Variants in IRAG2 observed in about 807,000 individuals in gnomAD.
IRAG2 encodes lymphoid restricted membrane protein.
In IRAG2, 45 loss-of-function variants were observed where a neutral mutation model predicts 69.9. That is an observed-to-expected ratio of 0.64 (90% CI 0.51 to 0.83). The LOEUF is 0.83. IRAG2 is among the 40% of genes least tolerant of loss of function. The pLI, the probability that IRAG2 is intolerant of heterozygous loss-of-function variation, is 0.00. For missense variants in IRAG2, 520 were observed against 587.0 expected, an observed-to-expected ratio of 0.89 and a Z score of 1.18; for synonymous variants, 193 against 202.4, an observed-to-expected ratio of 0.95 and a Z score of 0.40.
At chr12:25,035,634 AT>A in intron 13 of IRAG2, 1 of 398,990 alleles carries the variant, frequency 2.5e-6, no homozygotes, top group East Asian at 3.6e-5. Flanking sequence ...AATTGTGGGC[AT>A]TTCGATCCTT....
At chr12:25,079,348 G>T in intron 7 of IRAG2, 50 bp from the exon 8 acceptor site, 1 of 1,609,964 alleles carries the variant, frequency 6.2e-7, no homozygotes, top group Non-Finnish European at 8.5e-7. Flanking sequence ...GGTTTTAAGA[G>T]AATTATTTGG....
intron 6 of IRAG2, among the ~76,000 whole-genome samples, chr12:25,076,006 G>GT (rs1946668332): frequency 6.6e-6 from 1 of 151,938 alleles, no homozygotes. Context: ...AATGTGGAAA[G>GT]TTTTTGCCCC....
chr12:25,026,955 A>C (rs1336267113), intron 9 of IRAG2: 2 of 574,574 alleles, frequency 3.5e-6, no homozygotes, highest in African/African-American at 3.9e-5. Context: ...TTGACAAACT[A>C]AACTTTGGTT....
intron 5 of IRAG2, among the ~76,000 whole-genome samples, chr12:25,067,997 T>C (rs1006531485): frequency 6.6e-6 from 1 of 152,136 alleles, no homozygotes; most frequent in Admixed American, 6.5e-5. Flanking sequence ...CTTGCCACCA[T>C]GCCCAGCTGA....
At chr12:25,082,334 C>G (rs1292406699) in intron 9 of IRAG2, among the ~76,000 whole-genome samples, 1 of 152,132 alleles carries the variant, frequency 6.6e-6, no homozygotes, top group Non-Finnish European at 1.5e-5. Flanking sequence ...GCACGGTGCA[C>G]ATGCCTATAA....
chr12:25,068,695 C>T (rs958319859), intron 5 of IRAG2, among the ~76,000 whole-genome samples: 1 of 152,022 alleles, frequency 6.6e-6, no homozygotes, highest in African/African-American at 2.4e-5. Context: ...TCAGGAGCTT[C>T]GCGTCAAACA....
chr12:25,005,186 A>G (rs965121744), intron 1 of IRAG2: 5 of 911,030 alleles, frequency 5.5e-6, no homozygotes, highest in Non-Finnish European at 7.2e-6. Context: ...AAAAAGGAAA[A>G]TTAATCATTA....
chr12:25,079,330 AT>A lies in IRAG2; in HGVS notation c.71+43del, dbSNP rs762473575. On this transcript the variant is annotated intron_variant, in intron 7 of 21. Coordinates refer to ENST00000556887, the MANE Select transcript of IRAG2 (RefSeq NM_001366544.2). ...GTTGTGTGTGTGAATTTGTATGCATATTTAGTTGGTTTTAAGAGAATTATTT... is the reference window on the plus strand; with the variant it reads ...GTTGTGTGTGTGAATTTGTATGCATATTAGTTGGTTTTAAGAGAATTATTT... 5 of 1,610,536 alleles carry A rather than the reference AT, an allele frequency of 3.1e-6. No homozygotes were observed. The Admixed American group carries it at 8.3e-5, about 27-fold the overall frequency.
chr12:25,104,034 G>A lies in IRAG2; in HGVS notation c.1022G>A (p.Arg341Gln), dbSNP rs143057445. The change falls in exon 19 of 22, where the codon CGA becomes CAA. Residue 341 changes from arginine to glutamine, a missense_variant. By Grantham distance (43) the Arg-to-Gln change is conservative. Coordinates refer to ENST00000556887, the MANE Select transcript of IRAG2 (RefSeq NM_001366544.2). ...GTGGCTGGGATGGAAAATAATGATCGATTCAGTAGAAGGTCAAGCAGTTGG... is the reference window on the plus strand; with the variant it reads ...GTGGCTGGGATGGAAAATAATGATCAATTCAGTAGAAGGTCAAGCAGTTGG... ...GMVAGMENND[R>Q]FSRRSSSWRI... The A allele has an allele frequency of 7.0e-5, 113 of 1,613,394 alleles. No individual in the cohort carries two copies. In the East Asian group the frequency reaches 1.7e-3, roughly 25 times the overall value.
chr12:25,102,500 C>A, intron 17 of IRAG2: 1 of 446,662 alleles, frequency 2.2e-6, no homozygotes, highest in Non-Finnish European at 4.0e-6. Flanking sequence ...GTGGGTAACC[C>A]GACAATGGCA....
In IRAG2 at chr12:25,055,233, C is replaced by T. The variant is rs757086102; in HGVS notation, c.-447+2277C>T. 3.1e-4 allele frequency among the ~76,000 whole-genome samples: 47 copies of T among 152,166 alleles called. 1 individual carries two copies. The highest frequency in any genetic ancestry group is 1.0e-4 in the Non-Finnish European group (7 of 68,042). Reference sequence around the variant, plus strand: ...TTTGATCAGAAATCCTGAACTTTATCTTGAATAAATGATATTGTTCAAGTT... The same window carrying T: ...TTTGATCAGAAATCCTGAACTTTATTTTGAATAAATGATATTGTTCAAGTT... On this transcript the variant is annotated intron_variant, in intron 1 of 21. Coordinates refer to ENST00000556887, the MANE Select transcript of IRAG2 (RefSeq NM_001366544.2).
At chr12:25,035,810 C>T (rs796951010) in intron 14 of IRAG2, 9 of 398,930 alleles carry the variant, frequency 2.3e-5, no homozygotes, top group African/African-American at 1.4e-4. Context: ...ATACCTTTAT[C>T]ATGGTGTTCC....
At chr12:25,075,146 T>A (rs575476912) in intron 6 of IRAG2, among the ~76,000 whole-genome samples, 1 of 152,364 alleles carries the variant, frequency 6.6e-6, no homozygotes, top group Admixed American at 6.5e-5. Flanking sequence ...TAGCTTTGTT[T>A]AGGTTCCAGT....
chr12:25,010,638 T>G (rs943512918), intron 2 of IRAG2, among the ~76,000 whole-genome samples: 5 of 151,274 alleles, frequency 3.3e-5, no homozygotes, highest in African/African-American at 1.2e-4. Flanking sequence ...CTCCTTCTAA[T>G]TAAGAGACTT....
At chr12:25,077,147 G>C (rs544427012) in intron 6 of IRAG2, among the ~76,000 whole-genome samples, 1 of 119,190 alleles carries the variant, frequency 8.4e-6, no homozygotes, top group Non-Finnish European at 1.8e-5. Flanking sequence ...GAGATTGCAG[G>C]CGTGTGCCAC....
chr12:25,091,162 T>G (rs859152), intron 14 of IRAG2: 6,952 of 172,992 alleles, frequency 0.04, 536 homozygotes, highest in African/African-American at 0.15. Context: ...AACATAAAAT[T>G]TATCATCTTG....
intron 14 of IRAG2, chr12:25,091,059 G>A: frequency 5.8e-6 from 1 of 172,552 alleles, no homozygotes; most frequent in Non-Finnish European, 1.3e-5. Flanking sequence ...GAGATGAGCT[G>A]GAAAATTAGT....
chr12:25,087,409 C>A (rs1458918871), intron 10 of IRAG2, among the ~76,000 whole-genome samples: 1 of 151,960 alleles, frequency 6.6e-6, no homozygotes, highest in Non-Finnish European at 1.5e-5. Flanking sequence ...CTCAGGTGAT[C>A]CACCCACCTC....
intron 14 of IRAG2, among the ~76,000 whole-genome samples, chr12:25,095,799 C>A (rs1391911721): frequency 6.6e-6 from 1 of 152,142 alleles, no homozygotes; most frequent in Non-Finnish European, 1.5e-5. Flanking sequence ...ATTACTGATT[C>A]AATCTTCTTA....
Sources: allele counts gnomAD v4.1 joint callset (sites outside exome capture counted in the v4.1 genomes callset), GRCh38; gene constraint gnomAD v4.1.1; transcripts MANE v1.5; gene names NCBI Gene and HGNC (gene_info 2026-07-23, HGNC 2026-07-21).